The following RNF145 variants were observed in gnomAD, a reference collection of about 807,000 sequenced individuals.
RNF145 encodes ring finger protein 145.
A neutral mutation model predicts 57.3 loss-of-function variants in RNF145; 12 were observed. The ratio of observed to expected loss-of-function variants is 0.21; its 90% confidence interval spans 0.13 to 0.34. The LOEUF is 0.34. Among genes scored for constraint, RNF145 ranks in the 10% least tolerant of loss-of-function variants. RNF145 has a pLI of 1.00. For synonymous variants in RNF145, 262 were observed against 288.3 expected (o/e 0.91, Z 0.92); for missense variants, 429 against 799.0 (o/e 0.54, Z 5.58).
chr5:159,196,659 A>G (rs1464346353), intron 2 of RNF145, among the ~76,000 whole-genome samples: 2 of 152,228 alleles, frequency 1.3e-5, no homozygotes, highest in African/African-American at 4.8e-5. Flanking sequence ...ACAGTCCATC[A>G]AAAGCCAGAG....
intron 3 of RNF145, among the ~76,000 whole-genome samples, chr5:159,188,765 T>C (rs1185507050): frequency 2.0e-5 from 3 of 152,202 alleles, no homozygotes; most frequent in Non-Finnish European, 4.4e-5. Flanking sequence ...ATATCCATTC[T>C]ATAGACATAT....
At chr5:159,166,200 T>G (rs1784389104) in intron 8 of RNF145, among the ~76,000 whole-genome samples, 2 of 152,212 alleles carry the variant, frequency 1.3e-5, no homozygotes, top group South Asian at 4.1e-4. Context: ...GAACTTCTCT[T>G]CATGTTTGCA....
intron 3 of RNF145, among the ~76,000 whole-genome samples, chr5:159,193,681 T>C (rs915032847): frequency 4.6e-5 from 7 of 152,284 alleles, no homozygotes; most frequent in African/African-American, 9.6e-5. Context: ...TTTCCAAAAA[T>C]TGTCCATAGT....
At chr5:159,204,047 T>C (rs1215152381) in intron 1 of RNF145, among the ~76,000 whole-genome samples, 1 of 152,190 alleles carries the variant, frequency 6.6e-6, no homozygotes, top group Non-Finnish European at 1.5e-5. Context: ...TTTTGAATAT[T>C]TACTCTATGA....
chr5:159,196,920 A>G (rs1785481543), intron 2 of RNF145, among the ~76,000 whole-genome samples: 1 of 152,204 alleles, frequency 6.6e-6, no homozygotes, highest in South Asian at 2.1e-4. Context: ...CGCATATAAA[A>G]TCAGCGGCCA....
Position 159,176,574 on chromosome 5 carries a change from T to C in RNF145, c.621+58A>G, listed in dbSNP as rs575168488. ...AAATAAAAATGAACTATAACTTTAA[T>C]GTACTTAACATTTATGTAGAATTTT... On this transcript the variant is annotated intron_variant, in intron 5 of 10. Transcript: ENST00000424310. The C allele has an allele frequency of 1.4e-5, 14 of 995,928 alleles. No individual in the cohort carries two copies. In the African/African-American group the frequency reaches 2.1e-4, roughly 15 times the overall value. The allele number at this position is 995,928 out of a possible 1,614,324, so 61.7% of individuals were successfully genotyped here.
chr5:159,205,030 T>A (rs1785824879), intron 1 of RNF145, among the ~76,000 whole-genome samples: 1 of 152,256 alleles, frequency 6.6e-6, no homozygotes, highest in Admixed American at 6.5e-5. Context: ...TGGTTAAATA[T>A]TTGTCAGTAT....
chr5:159,164,908 T>C (rs1350960426), intron 8 of RNF145, among the ~76,000 whole-genome samples: 1 of 152,238 alleles, frequency 6.6e-6, no homozygotes, highest in African/African-American at 2.4e-5. Context: ...CAAAGACGTA[T>C]TTATGAAGAT....
intron 8 of RNF145, among the ~76,000 whole-genome samples, chr5:159,168,147 T>C (rs1045389602): frequency 1.3e-5 from 2 of 152,272 alleles, no homozygotes; most frequent in African/African-American, 4.8e-5. Context: ...CTTTTATCCC[T>C]CACAAAAATT....
intron 4 of RNF145, among the ~76,000 whole-genome samples, chr5:159,181,300 TG>T (rs1253800119): frequency 1.3e-5 from 2 of 152,036 alleles, no homozygotes; most frequent in Non-Finnish European, 2.9e-5. Flanking sequence ...TGTAAAGGGC[TG>T]GGGAAGTATT....
chr5:159,196,226 T>C (rs973642518), intron 2 of RNF145, among the ~76,000 whole-genome samples: 70 of 120,576 alleles, frequency 5.8e-4, no homozygotes, highest in Non-Finnish European at 8.9e-4. Flanking sequence ...TAAAATATTA[T>C]GAGTTTTTTT....
At chr5:159,207,450 A>T in intron 1 of RNF145, 2 of 1,465,220 alleles carry the variant, frequency 1.4e-6, no homozygotes, top group Non-Finnish European at 1.8e-6. Flanking sequence ...CCCCCTAAAA[A>T]AGAAAAACAA....
rs1020351372 is a variant in RNF145 at position 159,180,069 on chromosome 5, T to G, written c.385+1891A>C. The stretch of plus-strand genomic sequence containing the variant: ...TTTTGACCTAGCACTTCTCCCTCTC[T>G]CTCTGACTTACCAAGGATTGAAGTG... On this transcript the variant is annotated intron_variant, in intron 4 of 10. Transcript: ENST00000424310. Among the ~76,000 whole-genome samples, 8 of 152,060 alleles carry G rather than the reference T, an allele frequency of 5.3e-5. No homozygotes were observed. The South Asian group carries it at 8.3e-4, about 16-fold the overall frequency.
In RNF145 at chr5:159,209,341, G is replaced by C. The variant is rs932058831; in HGVS notation, c.-150C>G. ...TTCTCCTCGGGCGGCGGCGGGGGCC[G>C]GTACGGCACGGCTCACAGCGGCGGC... On this transcript the variant is annotated 5_prime_UTR_variant, in exon 1 of 11. Transcript: ENST00000424310. 1 of 985,664 alleles carries C rather than the reference G, an allele frequency of 1.0e-6. No individual in the cohort carries two copies. Among genetic ancestry groups the C allele is most frequent in the Non-Finnish European group, 1.2e-6 (1 of 829,930 alleles). The allele number at this position is 985,664 out of a possible 1,614,324, so 61.1% of individuals were successfully genotyped here.
At chr5:159,192,568 A>G (rs1003920850) in intron 3 of RNF145, among the ~76,000 whole-genome samples, 1 of 152,238 alleles carries the variant, frequency 6.6e-6, no homozygotes, top group African/African-American at 2.4e-5. Context: ...AAAGATTAAC[A>G]ATGAGAAAAT....
chr5:159,195,371 T>A (rs1485703463), intron 2 of RNF145, among the ~76,000 whole-genome samples: 2 of 152,210 alleles, frequency 1.3e-5, no homozygotes, highest in African/African-American at 4.8e-5. Context: ...ATTTTTTTCC[T>A]ATTATTTTTC....
At chr5:159,178,400 G>C (rs1323098413) in intron 4 of RNF145, among the ~76,000 whole-genome samples, 1 of 151,748 alleles carries the variant, frequency 6.6e-6, no homozygotes, top group Non-Finnish European at 1.5e-5. Flanking sequence ...GTTACTTTTT[G>C]TTTTCAGTGA....
intron 5 of RNF145, 73 bp downstream of exon 5, chr5:159,176,559 G>A: frequency 1.1e-6 from 1 of 905,446 alleles, no homozygotes; most frequent in Non-Finnish European, 1.7e-6. Context: ...AAATAAAAAT[G>A]AACTATAACT....
In RNF145 at chr5:159,161,391, G is replaced by A. The variant is rs1784209938; in HGVS notation, c.1501C>T (p.Arg501Trp). Residue 501 changes from arginine (R) to tryptophan (W), a missense_variant, in exon 10 of 11, where the codon CGG becomes TGG. Arg to Trp is a moderately radical substitution (Grantham distance 101). Around this residue, in one of 4 missense-constraint regions of RNF145, gnomAD observed 216 missense variants for 457.6 expected, o/e 0.47. Coordinates refer to ENST00000424310, the MANE Select transcript of RNF145 (RefSeq NM_001199383.2). ...FIHSYYNVWL[R>W]AQLGWKSFLL... ...AAGCTCTTCCACCCCAGCTGGGCCC[G>A]AAGCCACACGTTATAGTAGGAATGA... 1.2e-6 allele frequency: 2 copies of A among 1,614,116 alleles called. No homozygotes were observed. The highest frequency in any genetic ancestry group is 8.5e-7 in the Non-Finnish European group (1 of 1,179,992).
Sources: allele counts gnomAD v4.1 joint callset (sites outside exome capture counted in the v4.1 genomes callset), GRCh38; gene constraint gnomAD v4.1.1; regional missense constraint gnomAD v4.1.1; transcripts MANE v1.5; gene names NCBI Gene and HGNC (gene_info 2026-07-23, HGNC 2026-07-21).